POLR3B: variants seen among roughly 807,000 people sequenced by gnomAD.
The protein encoded by POLR3B is RNA polymerase III subunit B.
Under a neutral mutation model 147.4 loss-of-function variants are expected in POLR3B, and 96 were observed. The ratio of observed to expected loss-of-function variants is 0.65; its 90% CI spans 0.55 to 0.77. POLR3B has a LOEUF of 0.77. Ranked by LOEUF, POLR3B falls within the 30% of genes least tolerant of loss-of-function variation. The probability of loss-of-function intolerance (pLI) is 0.00; values close to 1 mark genes in which losing one functional copy is unlikely to be tolerated. For missense variants in POLR3B, 1,036 were observed against 1,413.5 expected, an observed-to-expected ratio of 0.73 and a Z score of 4.28; for synonymous variants, 461 against 485.9, an observed-to-expected ratio of 0.95 and a Z score of 0.67.
At chr12:106,366,601 A>C in intron 3 of POLR3B, 29 bp downstream of exon 3, 1 of 1,597,172 alleles carries the variant, frequency 6.3e-7, no homozygotes, top group Admixed American at 1.7e-5. Flanking sequence ...AAATAGACAT[A>C]AACTAAGGAT....
chr12:106,421,434 C>G (rs12305705), intron 12 of POLR3B, among the ~76,000 whole-genome samples: 51,275 of 151,974 alleles, frequency 0.34, 11,517 homozygotes, highest in African/African-American at 0.64. Flanking sequence ...CCATGACTTA[C>G]TATCAAACTT....
At chr12:106,422,180 G>C in intron 12 of POLR3B, among the ~76,000 whole-genome samples, 1 of 152,112 alleles carries the variant, frequency 6.6e-6, no homozygotes, top group East Asian at 1.9e-4. Context: ...GGGTCATGGG[G>C]GTGGTTTTTA....
chr12:106,366,493 A>C, intron 2 of POLR3B, 23 bp from the exon 3 acceptor site: 1 of 1,564,768 alleles, frequency 6.4e-7, no homozygotes, highest in Non-Finnish European at 8.8e-7. Flanking sequence ...TAACCTGTTT[A>C]CTTTCTCTTT....
chr12:106,374,000 T>TC (rs1215924263), intron 6 of POLR3B, among the ~76,000 whole-genome samples: 2 of 152,132 alleles, frequency 1.3e-5, no homozygotes, highest in African/African-American at 4.8e-5. Context: ...ATTTTTTTTT[T>TC]CTCACCCTTC....
rs541830593 is a variant in POLR3B at position 106,438,048 on chromosome 12, C to T, written c.1955+269C>T. 9.9e-5 allele frequency among the ~76,000 whole-genome samples: 15 copies of T among 152,130 alleles called. No individual in the cohort carries two copies. The East Asian group carries it at 1.4e-3, about 14-fold the overall frequency. ...TATCTTGATGCTCTTCCTCCCCCAA[C>T]CCCCTAACAGTCCCCCTGGTGTGTG... On this transcript the variant is annotated intron_variant, in intron 18 of 27. Transcript: ENST00000228347.
chr12:106,387,168 A>G (rs1417304439), intron 9 of POLR3B, among the ~76,000 whole-genome samples: 1 of 152,218 alleles, frequency 6.6e-6, no homozygotes, highest in East Asian at 1.9e-4. Flanking sequence ...ATTTTTCCAG[A>G]CAGTTTTCCT....
rs554913282 is a variant in POLR3B at position 106,483,146 on chromosome 12, T to G, written c.2714-12909T>G. On this transcript the variant is annotated intron_variant, in intron 23 of 27. Coordinates refer to ENST00000228347, the MANE Select transcript of POLR3B (RefSeq NM_018082.6). Reference sequence around the variant, plus strand: ...GTTGGGCCTGTAAAACCCAAATATATGAAAAGTTGTCCCTCTGTGGAGAAG... The same window carrying G: ...GTTGGGCCTGTAAAACCCAAATATAGGAAAAGTTGTCCCTCTGTGGAGAAG... 2.0e-5 allele frequency among the ~76,000 whole-genome samples: 3 copies of G among 152,314 alleles called. No homozygotes were observed. The East Asian group carries it at 5.8e-4, about 29-fold the overall frequency.
intron 10 of POLR3B, among the ~76,000 whole-genome samples, chr12:106,395,721 G>A (rs973892609): frequency 6.6e-6 from 1 of 152,116 alleles, no homozygotes; most frequent in Non-Finnish European, 1.5e-5. Flanking sequence ...GCTTATGCCT[G>A]TAATCCAGAG....
rs2038646270 is a variant in POLR3B at position 106,504,004 on chromosome 12, C to G, written c.3099-77C>G. The stretch of plus-strand genomic sequence containing the variant: ...GAGCCCTGCTCCAAAGCCTCGTGCT[C>G]TCTGCCAGCATGTGATGCTACCTCT... On this transcript the variant is annotated intron_variant, in intron 26 of 27. Transcript: ENST00000228347. The surrounding 1 kb of genome is among the most constrained non-coding windows in gnomAD (Gnocchi z 4.6). The G allele has an allele frequency of 7.3e-7, 1 of 1,371,500 alleles. No homozygotes were observed. The highest frequency in any genetic ancestry group is 1.0e-6 in the Non-Finnish European group (1 of 958,998). The allele number at this position is 1,371,500 out of a possible 1,614,324, so 85.0% of individuals were successfully genotyped here. A position where few individuals can be genotyped will look rare whatever the true frequency, so the allele number is the denominator to read the frequency against.
intron 22 of POLR3B, among the ~76,000 whole-genome samples, chr12:106,462,988 G>C (rs2037960914): frequency 6.6e-6 from 1 of 152,070 alleles, no homozygotes; most frequent in African/African-American, 2.4e-5. Flanking sequence ...CTTTGGTGCA[G>C]TAACTGTCTA....
chr12:106,363,730 G>A lies in POLR3B; in HGVS notation c.73-140G>A, dbSNP rs1469294509. 8.2e-6 allele frequency: 6 copies of A among 733,122 alleles called. No individual in the cohort carries two copies. The Admixed American group carries it at 9.0e-5, about 11-fold the overall frequency. The allele number at this position is 733,122 out of a possible 1,614,324, so 45.4% of individuals were successfully genotyped here. A position where few individuals can be genotyped will look rare whatever the true frequency, so the allele number is the denominator to read the frequency against. ...CATATTTATATGCATATGCACACAT[G>A]TGATTTCCATAAAAATGTTTAAAAA... On this transcript the variant is annotated intron_variant, in intron 1 of 27. Transcript: ENST00000228347.
At chr12:106,496,211 A>G in intron 24 of POLR3B, 53 bp downstream of exon 24, 1 of 1,055,866 alleles carries the variant, frequency 9.5e-7, no homozygotes, top group Non-Finnish European at 1.5e-6. Context: ...AGAAGCAGGC[A>G]GTTAGTTTAG....
At chr12:106,366,420 T>TTG (rs2036536247) in intron 2 of POLR3B, 96 bp from the exon 3 acceptor site, 1 of 777,864 alleles carries the variant, frequency 1.3e-6, no homozygotes, top group Non-Finnish European at 2.3e-6. Flanking sequence ...TGTTCACCTA[T>TTG]TATTAGATTC....
rs746920953 is a variant in POLR3B at position 106,433,775 on chromosome 12, A to G, written c.1684A>G (p.Met562Val). 6.2e-7 allele frequency: 1 copy of G among 1,613,430 alleles called. No homozygotes were observed. Among genetic ancestry groups the G allele is most frequent in the South Asian group, 1.1e-5 (1 of 91,064 alleles). ...HKKLVNTFRLMRRAGYINEFV... is the reference protein window; with the variant it reads ...HKKLVNTFRLVRRAGYINEFV... ...AAAGCTAGTGAATACATTTCGACTC[A>G]TGAGAAGAGCAGGATATATCAATGA... The change falls in exon 16 of 28, where the codon ATG becomes GTG. Residue 562 changes from methionine to valine, a missense_variant. Around this residue, in one of 12 missense-constraint regions of POLR3B, gnomAD observed 177 missense variants for 232.7 expected, o/e 0.76. Coordinates refer to ENST00000228347, the MANE Select transcript of POLR3B (RefSeq NM_018082.6).
Position 106,496,122 on chromosome 12 carries a change from C to T in POLR3B, c.2781C>T (p.Ile927=). The part of the protein sequence containing the change: ...PFCDSGICPD[I]IMNPHGFPSR... Reference sequence around the variant, plus strand: ...GTGATTCTGGCATCTGTCCGGACATCATCATGAACCCACACGGCTTCCCAT... The same window carrying T: ...GTGATTCTGGCATCTGTCCGGACATTATCATGAACCCACACGGCTTCCCAT... The change falls in exon 24 of 28, where the codon ATC becomes ATT. Residue 927 remains isoleucine, a synonymous_variant. Transcript: ENST00000228347. The T allele has an allele frequency of 6.2e-7, 1 of 1,611,842 alleles. No homozygotes were observed. The highest frequency in any genetic ancestry group is 8.5e-7 in the Non-Finnish European group (1 of 1,177,882).
At chr12:106,507,670 G>A (rs559611473) in intron 27 of POLR3B, 6 of 426,866 alleles carry the variant, frequency 1.4e-5, no homozygotes, top group Non-Finnish European at 2.8e-5. Flanking sequence ...TACAGGTTAA[G>A]CACCCTGCGT....
rs576519949 is a variant in POLR3B at position 106,399,295 on chromosome 12, C to T, written c.846+6142C>T. Among the ~76,000 whole-genome samples, 35 of 152,136 alleles carry T rather than the reference C, an allele frequency of 2.3e-4. No homozygotes were observed. The East Asian group carries it at 5.4e-3, about 24-fold the overall frequency. On this transcript the variant is annotated intron_variant, in intron 10 of 27. Coordinates refer to ENST00000228347, the MANE Select transcript of POLR3B (RefSeq NM_018082.6). ...TTAGAGAAAAAAGAATGAAAAGAAA[C>T]GAACAAAGCCTCCAAGAAATATGGG...
intron 23 of POLR3B, among the ~76,000 whole-genome samples, chr12:106,495,550 G>C (rs2038465972): frequency 6.6e-6 from 1 of 152,168 alleles, no homozygotes; most frequent in South Asian, 2.1e-4. Flanking sequence ...TAGCACATCA[G>C]CCACACACAG....
chr12:106,439,495 A>G (rs1313428954), intron 18 of POLR3B, among the ~76,000 whole-genome samples: 1 of 152,132 alleles, frequency 6.6e-6, no homozygotes, highest in Non-Finnish European at 1.5e-5. Context: ...AAACTTAAAA[A>G]TTAGCCAGGT....
Sources: allele counts gnomAD v4.1 joint callset (sites outside exome capture counted in the v4.1 genomes callset), GRCh38; gene constraint gnomAD v4.1.1; regional missense constraint gnomAD v4.1.1; non-coding constraint Gnocchi (gnomAD v3.1); transcripts MANE v1.5; gene names NCBI Gene and HGNC (gene_info 2026-07-23, HGNC 2026-07-21).